RBFOX1: variants seen among roughly 807,000 people sequenced by gnomAD.
The protein encoded by RBFOX1 is RNA binding protein fox-1 homolog 1.
A neutral mutation model predicts 57.7 loss-of-function variants in RBFOX1; 8 were observed. The ratio of observed to expected loss-of-function variants is 0.14; its 90% CI spans 0.08 to 0.25. The LOEUF is 0.25. Among genes scored for constraint, RBFOX1 ranks in the 10% least tolerant of loss-of-function variants. The pLI is 1.00. For missense variants in RBFOX1, 611 were observed against 548.5 expected (o/e 1.11, Z -1.14); for synonymous variants, 326 against 222.4 (o/e 1.47, Z -4.15).
chr16:7,382,607 A>G (rs1197222140), intron 4 of RBFOX1, among the ~76,000 whole-genome samples: 1 of 152,236 alleles, frequency 6.6e-6, no homozygotes, highest in Non-Finnish European at 1.5e-5. Flanking sequence ...AGACTGATTA[A>G]TGCGCAAGAT....
At chr16:6,886,849 T>C (rs1009761349) in intron 3 of RBFOX1, among the ~76,000 whole-genome samples, 19 of 151,788 alleles carry the variant, frequency 1.3e-4, no homozygotes, top group African/African-American at 4.6e-4. Flanking sequence ...ATCAGTGAAA[T>C]ATGGCAAAAA....
intron 2 of RBFOX1, among the ~76,000 whole-genome samples, chr16:6,431,224 G>T (rs1489915357): frequency 6.6e-6 from 1 of 152,028 alleles, no homozygotes; most frequent in East Asian, 1.9e-4. Flanking sequence ...ATGGGTTTAG[G>T]AGAAGCAGGT....
At chr16:5,499,279 A>T (rs566078704) in intron 2 of RBFOX1, among the ~76,000 whole-genome samples, 1 of 152,210 alleles carries the variant, frequency 6.6e-6, no homozygotes. Context: ...TAGAGGAATG[A>T]CTGACTTCTG....
At chr16:6,377,837 C>T (rs538508748) in intron 2 of RBFOX1, among the ~76,000 whole-genome samples, 24 of 152,240 alleles carry the variant, frequency 1.6e-4, no homozygotes, top group African/African-American at 5.8e-4. Context: ...GAAGCTTCCC[C>T]AACGTGGATT....
intron 4 of RBFOX1, among the ~76,000 whole-genome samples, chr16:7,131,363 TTAA>T (rs1222469763): frequency 8.4e-6 from 1 of 119,582 alleles, no homozygotes; most frequent in Non-Finnish European, 1.8e-5. Context: ...TTTTTTTTTT[TTAA>T]AAAAAAAAAA....
At chr16:7,594,174 G>C (rs1230044420) in intron 7 of RBFOX1, among the ~76,000 whole-genome samples, 1 of 150,956 alleles carries the variant, frequency 6.6e-6, no homozygotes, top group Non-Finnish European at 1.5e-5. Context: ...CCCGCCCTGT[G>C]GTCAATACCT....
intron 2 of RBFOX1, among the ~76,000 whole-genome samples, chr16:6,381,334 C>G (rs1263980093): frequency 6.6e-6 from 1 of 152,154 alleles, no homozygotes; most frequent in African/African-American, 2.4e-5. Context: ...CCCTCCCACC[C>G]TTCCATCTTT....
rs1596343483 is a variant in RBFOX1, at chr16:5,583,863, C to G, written c.259-15039C>G. Among the ~76,000 whole-genome samples, 4 of 152,236 alleles carry G rather than the reference C, an allele frequency of 2.6e-5. No individual in the cohort carries two copies. In the South Asian group the frequency reaches 8.3e-4, roughly 32 times the overall value. On this transcript the variant is annotated intron_variant, in intron 2 of 2. Coordinates refer to the RBFOX1 transcript ENST00000585867. ...GCAGCATCTTCAATGCTGGGCTGCC[C>G]CAGTCTAGAGCCCATGGCCTGAACC...
At chr16:5,907,371 A>C (rs1247218619) in intron 4 of RBFOX1, among the ~76,000 whole-genome samples, 1 of 151,878 alleles carries the variant, frequency 6.6e-6, no homozygotes, top group Non-Finnish European at 1.5e-5. Flanking sequence ...CTAGACAAAC[A>C]CTTCTCCATC....
chr16:6,972,411 G>GAACATCCAT (rs1364840321), intron 3 of RBFOX1, among the ~76,000 whole-genome samples: 64 of 152,158 alleles, frequency 4.2e-4, no homozygotes, highest in Non-Finnish European at 7.5e-4. Flanking sequence ...CCATGGTGTA[G>GAACATCCAT]GATGTTTCTT....
intron 3 of RBFOX1, among the ~76,000 whole-genome samples, chr16:5,674,311 G>A (rs1010707065): frequency 6.6e-6 from 1 of 152,242 alleles, no homozygotes; most frequent in East Asian, 1.9e-4. Flanking sequence ...CTTGAAGGAT[G>A]AATATGACTT....
intron 3 of RBFOX1, among the ~76,000 whole-genome samples, chr16:6,713,420 C>T (rs1014132082): frequency 1.3e-5 from 2 of 152,126 alleles, no homozygotes. Flanking sequence ...TAAGATTTCT[C>T]AACCTTGGTA....
intron 3 of RBFOX1, among the ~76,000 whole-genome samples, chr16:6,991,136 CAAAAAAAAAAA>C (rs35889519): frequency 9.4e-5 from 5 of 53,034 alleles, no homozygotes; most frequent in Admixed American, 2.8e-4. Flanking sequence ...ATTGTCTCTC[CAAAAAAAAAAA>C]AAAAAAAAAA....
chr16:6,918,985 G>A (rs7193385), intron 3 of RBFOX1, among the ~76,000 whole-genome samples: 65,882 of 151,850 alleles, frequency 0.43, 14,619 homozygotes, highest in Middle Eastern at 0.51. Flanking sequence ...AATGATTTTT[G>A]TTTGTTTGTT....
intron 3 of RBFOX1, among the ~76,000 whole-genome samples, chr16:6,835,983 G>C (rs753230979): frequency 1.2e-4 from 19 of 152,056 alleles, no homozygotes; most frequent in Non-Finnish European, 2.4e-4. Flanking sequence ...GTGTCATCTG[G>C]TCACATCTAA....
intron 4 of RBFOX1, among the ~76,000 whole-genome samples, chr16:6,011,394 G>A (rs1443828009): frequency 6.6e-6 from 1 of 151,658 alleles, no homozygotes; most frequent in Non-Finnish European, 1.5e-5. Flanking sequence ...ATTGGCCTTT[G>A]GATCCCCTAT....
intron 1 of RBFOX1, among the ~76,000 whole-genome samples, chr16:5,430,354 T>C (rs1181979631): frequency 2.0e-5 from 3 of 152,234 alleles, no homozygotes; most frequent in African/African-American, 7.2e-5. Flanking sequence ...GAAAATTGCA[T>C]GTGCAAAGGC....
At chr16:6,875,041 C>A (rs369657069) in intron 3 of RBFOX1, among the ~76,000 whole-genome samples, 3 of 152,048 alleles carry the variant, frequency 2.0e-5, no homozygotes, top group East Asian at 1.9e-4. Context: ...TGAGTGGGAG[C>A]AAGTGTGGTC....
intron 4 of RBFOX1, among the ~76,000 whole-genome samples, chr16:7,185,543 C>T (rs1032279611): frequency 2.6e-5 from 4 of 152,218 alleles, no homozygotes; most frequent in Admixed American, 6.5e-5. Flanking sequence ...TGGACACACA[C>T]ATTCTTGGCC....
Sources: allele counts gnomAD v4.1 joint callset (sites outside exome capture counted in the v4.1 genomes callset), GRCh38; gene constraint gnomAD v4.1.1; transcripts MANE v1.5; gene names NCBI Gene and HGNC (gene_info 2026-07-23, HGNC 2026-07-21).